NUDT22: variants seen among roughly 807,000 people sequenced by gnomAD.
The protein encoded by NUDT22 is nudix hydrolase 22, also known as uridine diphosphate glucose pyrophosphatase NUDT22.
A neutral mutation model predicts 28.8 loss-of-function variants in NUDT22; 23 were observed. The ratio of observed to expected loss-of-function variants is 0.80; its 90% CI spans 0.58 to 1.13. NUDT22 has a LOEUF of 1.13. Among genes scored for constraint, NUDT22 ranks in the 50% most tolerant of loss-of-function variants. NUDT22 has a pLI of 0.00. For missense variants in NUDT22, 358 were observed against 387.3 expected (o/e 0.92, Z 0.64); for synonymous variants, 175 against 173.7 (o/e 1.01, Z -0.06).
In NUDT22 at chr11:64,226,303, C is replaced by T. The variant is rs1056415956; in HGVS notation, c.-143C>T. Reference sequence around the variant, plus strand: ...CCTGAGGGACCCGGCGGCTGGTGAGCGCCCGCTGGAGGCTGGAGCTTCCGG... The same window carrying T: ...CCTGAGGGACCCGGCGGCTGGTGAGTGCCCGCTGGAGGCTGGAGCTTCCGG... On this transcript the variant is annotated 5_prime_UTR_variant, in exon 1 of 6. Transcript: ENST00000279206. 5.1e-6 allele frequency: 5 copies of T among 989,084 alleles called. No homozygotes were observed. Among genetic ancestry groups the T allele is most frequent in the African/African-American group, 1.7e-5 (1 of 59,174 alleles). 61.3% of individuals were successfully genotyped at this position (989,084 alleles called of 1,614,324 possible).
At chr11:64,227,751 G>A (rs1947080547) in intron 3 of NUDT22, 85 bp downstream of exon 3, 4 of 1,093,658 alleles carry the variant, frequency 3.7e-6, no homozygotes, top group Middle Eastern at 2.0e-4. Flanking sequence ...GGGCTGGCAG[G>A]AGGCCTGCAG....
In NUDT22 at chr11:64,226,977, G is replaced by A. The variant is rs200382361; in HGVS notation, c.325G>A (p.Asp109Asn). ...CTGGCTGCGACAGCAGGGTGCCACC[G>A]ACTGGGGTGACACGCAGGCCTATCT... ...AAWLRQQGAT[D>N]WGDTQAYLAD... is the part of the protein sequence containing the mutation. Residue 109 changes from aspartate (D) to asparagine (N), a missense_variant, in exon 2 of 6, where the codon GAC becomes AAC. By Grantham distance (23) the Asp-to-Asn change is conservative (BLOSUM62 1). Coordinates refer to ENST00000279206, the MANE Select transcript of NUDT22 (RefSeq NM_032344.4). 41 of 1,602,784 alleles carry A rather than the reference G, an allele frequency of 2.6e-5. No individual in the cohort carries two copies. Among genetic ancestry groups the A allele is most frequent in the Non-Finnish European group, 2.9e-5 (34 of 1,179,920 alleles).
At position 64,229,536 on chromosome 11, in the gene NUDT22, C is replaced by T. The variant is rs759593281; in HGVS notation, c.736C>T (p.His246Tyr). The change falls in exon 5 of 6, where the codon CAC becomes TAC. Residue 246 changes from histidine to tyrosine, a missense_variant. Coordinates refer to ENST00000279206, the MANE Select transcript of NUDT22 (RefSeq NM_032344.4). ...CTACCTGAGTGGGGGACCCGAGGCC[C>T]ACGAGTCTACAGGAATCTTCTTTGT... ...KHYLSGGPEA[H>Y]ESTGIFFVET... The T allele has an allele frequency of 6.2e-7, 1 of 1,614,176 alleles. No individual in the cohort carries two copies. Among genetic ancestry groups the T allele is most frequent in the South Asian group, 1.1e-5 (1 of 91,086 alleles).
chr11:64,226,955 G>T lies in NUDT22; in HGVS notation c.303G>T (p.Trp101Cys). The T allele has an allele frequency of 1.2e-6, 2 of 1,602,472 alleles. No individual in the cohort carries two copies. Among genetic ancestry groups the T allele is most frequent in the Admixed American group, 1.7e-5 (1 of 60,024 alleles). ...LGTNWSSSAAWLRQQGATDWG... is the reference protein window; with the variant it reads ...LGTNWSSSAACLRQQGATDWG... ...CCAACTGGTCCAGCTCAGCTGCCTG[G>T]CTGCGACAGCAGGGTGCCACCGACT... Residue 101 changes from tryptophan (W) to cysteine (C), a missense_variant, in exon 2 of 6, where the codon TGG becomes TGT. Trp to Cys is a radical substitution (Grantham distance 215). Coordinates refer to ENST00000279206, the MANE Select transcript of NUDT22 (RefSeq NM_032344.4).
rs1000445974 is a variant in NUDT22 at position 64,226,339 on chromosome 11, G to A, written c.-107G>A. 1.6e-6 allele frequency: 2 copies of A among 1,213,582 alleles called. No individual in the cohort carries two copies. The highest frequency in any genetic ancestry group is 2.1e-6 in the Non-Finnish European group (2 of 970,256). The allele number at this position is 1,213,582 out of a possible 1,614,324, so 75.2% of individuals were successfully genotyped here. A position where few individuals can be genotyped will look rare whatever the true frequency, so the allele number is the denominator to read the frequency against. On this transcript the variant is annotated 5_prime_UTR_variant, in exon 1 of 6. Coordinates refer to ENST00000279206, the MANE Select transcript of NUDT22 (RefSeq NM_032344.4). ...GGCTGGAGCTTCCGGGCCCTGGAAA[G>A]GGGTCCCCGCGCGCCCCGGGTCGGA...
At chr11:64,229,732 C>G in intron 5 of NUDT22, 118 bp from the exon 6 acceptor site, 1 of 1,402,644 alleles carries the variant, frequency 7.1e-7, no homozygotes, top group Non-Finnish European at 1.0e-6. Flanking sequence ...CATGTTCAGC[C>G]CCTTAACATG....
Position 64,229,817 on chromosome 11 carries a change from C to A in NUDT22, c.772-33C>A, listed in dbSNP as rs199640120. On this transcript the variant is annotated intron_variant, in intron 5 of 5. Coordinates refer to ENST00000279206, the MANE Select transcript of NUDT22 (RefSeq NM_032344.4). Reference sequence around the variant, plus strand: ...CAGCCCTGGCAGGAGAAGTGGCAAGCTTGAATGCCTGGGTCTCGTTGTCTC... The same window carrying A: ...CAGCCCTGGCAGGAGAAGTGGCAAGATTGAATGCCTGGGTCTCGTTGTCTC... 6.8e-6 allele frequency: 11 copies of A among 1,612,162 alleles called. No individual in the cohort carries two copies. The South Asian group carries it at 8.8e-5, about 13-fold the overall frequency.
chr11:64,226,954 G>A lies in NUDT22; in HGVS notation c.302G>A (p.Trp101Ter). The A allele has an allele frequency of 6.2e-7, 1 of 1,602,534 alleles. No homozygotes were observed. Among genetic ancestry groups the A allele is most frequent in the Non-Finnish European group, 8.5e-7 (1 of 1,179,938 alleles). Reference protein sequence around the residue: ...LGTNWSSSAAWLRQQGATDWG... With the variant: ...LGTNWSSSAA ...ACCAACTGGTCCAGCTCAGCTGCCT[G>A]GCTGCGACAGCAGGGTGCCACCGAC... The change falls in exon 2 of 6, where the codon TGG becomes TAG. Residue 101 changes from tryptophan to a stop codon, truncating the protein, a stop_gained. Coordinates refer to ENST00000279206, the MANE Select transcript of NUDT22 (RefSeq NM_032344.4). LOFTEE classifies it high-confidence loss of function.
rs149026740 is a variant in NUDT22, at chr11:64,229,336, C to G, written c.669C>G (p.Phe223Leu). ...GTGCTGGCCGAGCCAGTGCCGAGTT[C>G]TATGTCCAGTGAGTAGGCTCGGGTA... ...ETSAGRASAE[F>L]YVQCSLTSEQ... Residue 223 changes from phenylalanine (F) to leucine (L), a missense_variant, in exon 4 of 6, where the codon TTC becomes TTG. Coordinates refer to ENST00000279206, the MANE Select transcript of NUDT22 (RefSeq NM_032344.4). The G allele has an allele frequency of 3.5e-5, 56 of 1,612,522 alleles. No individual in the cohort carries two copies. In the African/African-American group the frequency reaches 5.6e-4, roughly 16 times the overall value.
intron 5 of NUDT22, 91 bp downstream of exon 5, chr11:64,229,662 G>C (rs1397644934): frequency 7.2e-7 from 1 of 1,389,174 alleles, no homozygotes; most frequent in Non-Finnish European, 1.0e-6. Context: ...GTGTTGGCTG[G>C]GTCACAATTC....
chr11:64,230,071 G>T, downstream of NUDT22: 173 of 990,650 alleles, frequency 1.7e-4, no homozygotes, highest in Non-Finnish European at 2.3e-4. Context: ...CCCTGAGTGT[G>T]TAAGGCAGGA....
chr11:64,227,526 G>A (rs1452603183), intron 2 of NUDT22, 42 bp from the exon 3 acceptor site: 2 of 1,478,854 alleles, frequency 1.4e-6, no homozygotes, highest in Admixed American at 1.7e-5. Context: ...ATGGGGCAGG[G>A]GGAAGAGGTG....
At position 64,226,699 on chromosome 11, in the gene NUDT22, T is replaced by C; in HGVS notation, c.47T>C (p.Leu16Pro). Residue 16 changes from leucine to proline, a missense_variant, in exon 2 of 6, where the codon CTG becomes CCG. Leu to Pro is a moderately conservative substitution (Grantham distance 98). Coordinates refer to ENST00000279206, the MANE Select transcript of NUDT22 (RefSeq NM_032344.4). The part of the protein sequence containing the change: ...TLLLQCPGGG[L>P]PQEQIQAELS... ...CTGCTGCAGTGCCCTGGCGGGGGCC[T>C]GCCCCAGGAGCAGATACAGGCCGAG... is the stretch of plus-strand genomic sequence containing the variant. 6.2e-7 allele frequency: 1 copy of C among 1,609,206 alleles called. No individual in the cohort carries two copies.
In NUDT22 at chr11:64,226,734, G is replaced by A; in HGVS notation, c.82G>A (p.Ala28Thr). ...GCAGATACAGGCCGAGCTGAGCCCC[G>A]CCCATGACCGTCGCCCACTGCCAGG... ...QEQIQAELSP[A>T]HDRRPLPGGD... is the part of the protein sequence containing the mutation. Residue 28 changes from alanine to threonine, a missense_variant, in exon 2 of 6, where the codon GCC (alanine) becomes ACC (threonine). Coordinates refer to ENST00000279206, the MANE Select transcript of NUDT22 (RefSeq NM_032344.4). 1.2e-6 allele frequency: 2 copies of A among 1,610,368 alleles called. No homozygotes were observed.
At position 64,229,915 on chromosome 11, in the gene NUDT22, C is replaced by CA; in HGVS notation, c.838dup (p.Ile280AsnfsTer?). ...TCTGCCCCTCGGCCAAAGGCGCCAT[C>CA]ATCCTCTACAACCGGGTTCAGGGAA... On this transcript the variant is annotated frameshift_variant, in exon 6 of 6. Coordinates refer to ENST00000279206, the MANE Select transcript of NUDT22 (RefSeq NM_032344.4). LOFTEE classifies it low-confidence loss of function (END_TRUNC). The CA allele has an allele frequency of 1.2e-6, 2 of 1,613,338 alleles. No individual in the cohort carries two copies. The highest frequency in any genetic ancestry group is 1.7e-6 in the Non-Finnish European group (2 of 1,180,002).
rs545441766 is a variant in NUDT22 at position 64,227,282 on chromosome 11, T to G, written c.480+150T>G. 4.2e-6 allele frequency: 4 copies of G among 951,606 alleles called. No individual in the cohort carries two copies. The African/African-American group carries it at 6.5e-5, about 15-fold the overall frequency. The allele number at this position is 951,606 out of a possible 1,614,324, so 58.9% of individuals were successfully genotyped here. On this transcript the variant is annotated intron_variant, in intron 2 of 5. Coordinates refer to ENST00000279206, the MANE Select transcript of NUDT22 (RefSeq NM_032344.4). ...GGAAGTTTGCTCAGGGCAGTCCACC[T>G]GCCTCCCCACTGACCCCTGCCCCAG...
chr11:64,229,215 G>A, intron 3 of NUDT22, 32 bp from the exon 4 acceptor site: 1 of 1,483,754 alleles, frequency 6.7e-7, no homozygotes, highest in Non-Finnish European at 9.2e-7. Context: ...ATTGATAGGT[G>A]GGACCTCCCC....
At chr11:64,229,047 A>G (rs1180026239) in intron 3 of NUDT22, 200 bp from the exon 4 acceptor site, 4 of 550,556 alleles carry the variant, frequency 7.3e-6, no homozygotes, top group African/African-American at 1.9e-5. Context: ...GACCTTGGGC[A>G]ACGTGTTCAA....
intron 1 of NUDT22, 46 bp downstream of exon 1, chr11:64,226,473 C>A (rs1299619644): frequency 7.1e-7 from 1 of 1,417,272 alleles, no homozygotes; most frequent in African/African-American, 1.4e-5. Flanking sequence ...ACTCGGGGCT[C>A]CTGCGGGGAA....
Sources: gnomAD v4.1 joint callset for allele counts on GRCh38, gnomAD v4.1.1 for gene constraint, MANE v1.5 for transcripts, NCBI Gene and HGNC (gene_info 2026-07-23, HGNC 2026-07-21) for gene names.